Variants in NEDD4 observed in about 807,000 individuals in gnomAD.
NEDD4 encodes the protein NEDD4 E3 ubiquitin protein ligase.
A neutral mutation model predicts 144.9 loss-of-function variants in NEDD4; 99 were observed. That is an observed-to-expected ratio of 0.68 (90% confidence interval 0.58 to 0.81). The LOEUF (loss-of-function observed/expected upper bound fraction) is 0.81. Among genes scored for constraint, NEDD4 ranks in the 30% least tolerant of loss-of-function variants. NEDD4 has a pLI of 0.00. For missense variants in NEDD4, 985 were observed against 1,065.9 expected (o/e 0.92, Z 1.06); for synonymous variants, 318 against 350.6 (o/e 0.91, Z 1.04).
intron 1 of NEDD4, among the ~76,000 whole-genome samples, chr15:55,982,272 A>T (rs554192055): frequency 6.6e-6 from 1 of 152,342 alleles, no homozygotes; most frequent in South Asian, 2.1e-4. Context: ...ATTCCTAGGT[A>T]TTTACACAAG....
rs545535531 is a variant in NEDD4, at chr15:55,970,989, T to C, written c.46-4443A>G. Among the ~76,000 whole-genome samples the C allele has an allele frequency of 1.2e-4, 18 of 152,246 alleles. No homozygotes were observed. The South Asian group carries it at 2.3e-3, about 19-fold the overall frequency. On this transcript the variant is annotated intron_variant, in intron 1 of 28. Coordinates refer to ENST00000435532, the MANE Select transcript of NEDD4 (RefSeq NM_006154.4). ...CAGAGGGACAGAGATACGTGAACTC[T>C]CAGATAAATCAAAATAGCTGTTTTG...
rs146116364 is a variant in NEDD4, at chr15:55,852,576, A to G, written c.1027-33T>C. 2.0e-3 allele frequency: 3,211 copies of G among 1,604,704 alleles called. 8 individuals carry two copies. Among genetic ancestry groups the G allele is most frequent in the Non-Finnish European group, 2.5e-3 (2,955 of 1,174,818 alleles). On this transcript the variant is annotated intron_variant, in intron 12 of 28. Transcript: ENST00000435532. The stretch of plus-strand genomic sequence containing the variant: ...GAAGAATAACAGAAGAATTAAATAC[A>G]TCAAGTTTAAGAATCCTTCTATCAC...
At position 55,862,994 on chromosome 15, in the gene NEDD4, TC is replaced by T; in HGVS notation, c.592del (p.Glu198LysfsTer13). ...QEPSPLPPGW[E>X]ERQDILGRTY... is the part of the protein sequence containing the mutation. The stretch of plus-strand genomic sequence containing the variant: ...CCTTCCAAGGATATCCTGCCTCTCT[TC>T]CCACCCTGGAGGTAGAGGAGAAGGT... On this transcript the variant is annotated frameshift_variant, in exon 9 of 29. Transcript: ENST00000435532. LOFTEE classifies it high-confidence loss of function. 6.2e-7 allele frequency: 1 copy of T among 1,607,632 alleles called. No homozygotes were observed. Among genetic ancestry groups the T allele is most frequent in the Non-Finnish European group, 8.5e-7 (1 of 1,175,606 alleles).
Position 55,911,521 on chromosome 15 carries a change from A to G in NEDD4, c.291+13125T>C, listed in dbSNP as rs538501600. Among the ~76,000 whole-genome samples the G allele has an allele frequency of 3.9e-5, 6 of 151,966 alleles. 1 individual carries two copies. Among genetic ancestry groups the G allele is most frequent in the Admixed American group, 3.9e-4 (6 of 15,268 alleles). ...ACCTCTATTTAGCACATCACATATTAGACTGAAAAAAAATTTTTTTTTTTT... is the reference window on the plus strand; with the variant it reads ...ACCTCTATTTAGCACATCACATATTGGACTGAAAAAAAATTTTTTTTTTTT... On this transcript the variant is annotated intron_variant, in intron 5 of 28. Coordinates refer to ENST00000435532, the MANE Select transcript of NEDD4 (RefSeq NM_006154.4).
Position 55,829,164 on chromosome 15 carries a change from A to C in NEDD4, c.*733T>G, listed in dbSNP as rs1159899770. The stretch of plus-strand genomic sequence containing the variant: ...GATATGCAGGCAAGAGAAAGGCTTT[A>C]ATACTTTTTACCCATTGCAAATATG... On this transcript the variant is annotated 3_prime_UTR_variant, in exon 29 of 29. Coordinates refer to ENST00000435532, the MANE Select transcript of NEDD4 (RefSeq NM_006154.4). The C allele has an allele frequency of 1.4e-4, 22 of 152,364 alleles. No homozygotes were observed. The highest frequency in any genetic ancestry group is 5.3e-4 in the African/African-American group (22 of 41,470). The allele number at this position is 152,364 out of a possible 1,614,324, so 9.4% of individuals were successfully genotyped here. A position where few individuals can be genotyped will look rare whatever the true frequency, so the allele number is the denominator to read the frequency against.
chr15:55,830,490 A>G (rs1294213241), intron 28 of NEDD4, 24 bp downstream of exon 28: 3 of 1,605,398 alleles, frequency 1.9e-6, no homozygotes, highest in African/African-American at 1.3e-5. Flanking sequence ...GCTTTGTTCT[A>G]TCAAGGTCCA....
chr15:55,842,025 A>G lies in NEDD4; in HGVS notation c.1747T>C (p.Leu583=), dbSNP rs1391440586. Residue 583 remains leucine (L), a synonymous_variant, in exon 19 of 29, where the codon TTG becomes CTG. Coordinates refer to ENST00000435532, the MANE Select transcript of NEDD4 (RefSeq NM_006154.4). Reference sequence around the variant, plus strand: ...TCTCTGGCAACTCCTCCATAATCCAATCCCTTTTCACCATCAAACTCAATC... The same window carrying G: ...TCTCTGGCAACTCCTCCATAATCCAGTCCCTTTTCACCATCAAACTCAATC... ...LWIEFDGEKG[L]DYGGVAREWF... The G allele has an allele frequency of 6.2e-7, 1 of 1,614,016 alleles. No individual in the cohort carries two copies. The highest frequency in any genetic ancestry group is 1.3e-5 in the African/African-American group (1 of 74,904).
intron 1 of NEDD4, among the ~76,000 whole-genome samples, chr15:55,968,482 A>G (rs940882798): frequency 6.7e-6 from 1 of 150,096 alleles, no homozygotes; most frequent in East Asian, 1.9e-4. Context: ...TCCTGTAGAC[A>G]TATCTAAAAT....
intron 11 of NEDD4, among the ~76,000 whole-genome samples, chr15:55,856,914 C>T (rs1000558912): frequency 1.3e-5 from 2 of 152,186 alleles, no homozygotes; most frequent in Non-Finnish European, 2.9e-5. Context: ...AGAATATCCA[C>T]TGTAGTACTG....
chr15:55,989,304 C>T (rs1415522150), intron 1 of NEDD4, among the ~76,000 whole-genome samples: 1 of 151,882 alleles, frequency 6.6e-6, no homozygotes, highest in Non-Finnish European at 1.5e-5. Context: ...TTCTTTAGTC[C>T]CTGCTCCATG....
chr15:55,978,502 TG>T (rs1186521170), intron 1 of NEDD4, among the ~76,000 whole-genome samples: 1 of 152,226 alleles, frequency 6.6e-6, no homozygotes, highest in Admixed American at 6.5e-5. Flanking sequence ...GCATAAATGC[TG>T]CAACTATAGA....
At chr15:55,982,149 T>C (rs2037813880) in intron 1 of NEDD4, among the ~76,000 whole-genome samples, 1 of 152,186 alleles carries the variant, frequency 6.6e-6, no homozygotes, top group African/African-American at 2.4e-5. Flanking sequence ...GTGCAGCAAC[T>C]AGAACTTTCA....
At chr15:55,976,908 CA>C (rs2037710978) in intron 1 of NEDD4, among the ~76,000 whole-genome samples, 1 of 152,086 alleles carries the variant, frequency 6.6e-6, no homozygotes, top group Non-Finnish European at 1.5e-5. Flanking sequence ...GCTGGGATTA[CA>C]GGTGTGAGCC....
At chr15:55,833,634 C>G (rs371595612) in intron 26 of NEDD4, among the ~76,000 whole-genome samples, 21 of 152,100 alleles carry the variant, frequency 1.4e-4, no homozygotes, top group East Asian at 5.8e-4. Flanking sequence ...GCACTCCAGC[C>G]TGGGAGACAG....
chr15:55,954,755 T>A (rs1357440182), intron 2 of NEDD4, among the ~76,000 whole-genome samples: 1 of 152,110 alleles, frequency 6.6e-6, no homozygotes, highest in Non-Finnish European at 1.5e-5. Context: ...AACTCCCAGT[T>A]TCAGGTGATC....
Position 55,827,510 on chromosome 15 carries a change from G to T in NEDD4, c.*2387C>A, listed in dbSNP as rs1416384757. ...CAAATGAGTATCAGCCAGATACAAAGAAAGCTTTGTATTTTCTCATGCTTA... is the reference window on the plus strand; with the variant it reads ...CAAATGAGTATCAGCCAGATACAAATAAAGCTTTGTATTTTCTCATGCTTA... On this transcript the variant is annotated 3_prime_UTR_variant, in exon 29 of 29. Transcript: ENST00000435532. 1 of 152,112 alleles carries T rather than the reference G, an allele frequency of 6.6e-6. No individual in the cohort carries two copies. The highest frequency in any genetic ancestry group is 1.5e-5 in the Non-Finnish European group (1 of 68,016). The allele number at this position is 152,112 out of a possible 1,614,324, so 9.4% of individuals were successfully genotyped here.
intron 5 of NEDD4, among the ~76,000 whole-genome samples, chr15:55,883,902 CAG>C (rs1290635201): frequency 7.3e-6 from 1 of 137,662 alleles, no homozygotes; most frequent in African/African-American, 2.7e-5. Flanking sequence ...TTTTTTGAGA[CAG>C]AGTCTCACCC....
At chr15:55,914,378 T>C (rs1223562777) in intron 5 of NEDD4, among the ~76,000 whole-genome samples, 4 of 151,844 alleles carry the variant, frequency 2.6e-5, no homozygotes, top group Non-Finnish European at 4.4e-5. Flanking sequence ...AAAAATCTAT[T>C]TCAGTTCAAA....
intron 1 of NEDD4, among the ~76,000 whole-genome samples, chr15:55,990,701 T>C (rs1178831786): frequency 6.6e-6 from 1 of 151,976 alleles, no homozygotes; most frequent in Non-Finnish European, 1.5e-5. Context: ...TGGGAAACAG[T>C]GTTTAGTTTT....
Sources: gnomAD v4.1 joint callset for allele counts (sites outside exome capture counted in the v4.1 genomes callset) on GRCh38, gnomAD v4.1.1 for gene constraint, MANE v1.5 for transcripts, NCBI Gene and HGNC (gene_info 2026-07-23, HGNC 2026-07-21) for gene names.